The following MYO7B variants were observed in gnomAD, a reference collection of about 807,000 sequenced individuals.
MYO7B encodes unconventional myosin-VIIb.
Under a neutral mutation model 259.7 loss-of-function variants are expected in MYO7B, and 212 were observed. The observed-to-expected ratio is 0.82, with a 90% CI of 0.73 to 0.91. The LOEUF (loss-of-function observed/expected upper bound fraction) is 0.91, where lower values mean the gene tolerates loss of function less well. Ranked by LOEUF, MYO7B falls within the 40% of genes least tolerant of loss-of-function variation. The pLI is 0.00. For missense variants in MYO7B, 2,732 were observed against 2,813.5 expected, an observed-to-expected ratio of 0.97 and a Z score of 0.66; for synonymous variants, 1,197 against 1,166.4, an observed-to-expected ratio of 1.03 and a Z score of -0.54.
At chr2:127,573,559 C>T (rs1678734976) in intron 6 of MYO7B, among the ~76,000 whole-genome samples, 1 of 152,192 alleles carries the variant, frequency 6.6e-6, no homozygotes, top group Non-Finnish European at 1.5e-5. Flanking sequence ...TTACTGCTTC[C>T]CTTATTACTG....
At chr2:127,563,369 A>G (rs1011924363) in intron 2 of MYO7B, among the ~76,000 whole-genome samples, 7 of 152,184 alleles carry the variant, frequency 4.6e-5, no homozygotes, top group South Asian at 2.1e-4. Flanking sequence ...TGAGGTGTCA[A>G]TGCCACAGTG....
Position 127,566,653 on chromosome 2 carries a change from G to A in MYO7B, c.296G>A (p.Gly99Asp). The change falls in exon 5 of 48, where the codon GGC (glycine) becomes GAC (aspartate). Residue 99 changes from glycine to aspartate, a missense_variant. Around this residue, in one of 3 missense-constraint regions of MYO7B, gnomAD observed 1,906 missense variants for 2,026.4 expected, o/e 0.94. Coordinates refer to ENST00000409816, the MANE Select transcript of MYO7B (RefSeq NM_001393586.1). ...YQQHKIYTYTGSILVAVNPFQ... is the reference protein window; with the variant it reads ...YQQHKIYTYTDSILVAVNPFQ... ...CTGCTTCCTTCCCAGACATACACAGGCTCCATCCTGGTGGCCGTCAACCCG... is the reference window on the plus strand; with the variant it reads ...CTGCTTCCTTCCCAGACATACACAGACTCCATCCTGGTGGCCGTCAACCCG... 6.3e-7 allele frequency: 1 copy of A among 1,588,374 alleles called. No homozygotes were observed. The highest frequency in any genetic ancestry group is 1.1e-5 in the South Asian group (1 of 87,612).
intron 12 of MYO7B, among the ~76,000 whole-genome samples, 173 bp downstream of exon 12, chr2:127,582,619 G>C (rs556860618): frequency 2.0e-5 from 3 of 152,312 alleles, no homozygotes; most frequent in Non-Finnish European, 4.4e-5. Context: ...ATCTAGAGAA[G>C]GCTGCACAAC....
rs1317798010 is a variant in MYO7B at position 127,593,634 on chromosome 2, T to C, written c.2234T>C (p.Ile745Thr). 1.9e-6 allele frequency: 3 copies of C among 1,613,258 alleles called. No homozygotes were observed. Among genetic ancestry groups the C allele is most frequent in the South Asian group, 2.2e-5 (2 of 91,084 alleles). The change falls in exon 18 of 48, where the codon ATT becomes ACT. Residue 745 changes from isoleucine to threonine, a missense_variant. Physicochemically the swap from Ile to Thr is moderately conservative, Grantham distance 89. Transcript: ENST00000409816. ...GACTGGAAAGCGGGGAAGACAAAAA[T>C]TTTCCTGAGGGTGAGACCCCGAGGA... ...DKDWKAGKTK[I>T]FLRDHQDTLL...
chr2:127,566,873 TG>T, intron 5 of MYO7B, 46 bp downstream of exon 5: 1 of 1,567,984 alleles, frequency 6.4e-7, no homozygotes, highest in African/African-American at 1.3e-5. Flanking sequence ...CTCCCTGAAC[TG>T]CTCCCCACCA....
chr2:127,630,939 A>G (rs1291060044), intron 36 of MYO7B, 31 bp downstream of exon 36: 3 of 1,525,124 alleles, frequency 2.0e-6, no homozygotes, highest in South Asian at 1.2e-5. Flanking sequence ...GCCTCATTGC[A>G]CCCCCACCTC....
At position 127,607,540 on chromosome 2, in the gene MYO7B, C is replaced by A; in HGVS notation, c.2643+116C>A. On this transcript the variant is annotated intron_variant, in intron 21 of 47. Coordinates refer to ENST00000409816, the MANE Select transcript of MYO7B (RefSeq NM_001393586.1). The surrounding 1 kb of genome is among the most constrained non-coding windows in gnomAD (Gnocchi z 4.4). ...TCACCAGAAGCGCTTTGGAAAATCCCCCCGCCCCCGCCACAAGCCAAGACG... is the reference window on the plus strand; with the variant it reads ...TCACCAGAAGCGCTTTGGAAAATCCACCCGCCCCCGCCACAAGCCAAGACG... The A allele has an allele frequency of 2.5e-6, 2 of 813,864 alleles. No individual in the cohort carries two copies. Among genetic ancestry groups the A allele is most frequent in the Non-Finnish European group, 3.8e-6 (2 of 520,794 alleles). The allele number at this position is 813,864 out of a possible 1,614,324, so 50.4% of individuals were successfully genotyped here.
At chr2:127,543,830 C>A (rs1225051294) in intron 1 of MYO7B, among the ~76,000 whole-genome samples, 1 of 151,550 alleles carries the variant, frequency 6.6e-6, no homozygotes, top group African/African-American at 2.4e-5. Flanking sequence ...CCGCAAGCTC[C>A]CCCTGCCGGG....
At chr2:127,623,565 T>C (rs1290114874) in intron 29 of MYO7B, among the ~76,000 whole-genome samples, 190 bp downstream of exon 29, 1 of 151,968 alleles carries the variant, frequency 6.6e-6, no homozygotes, top group Non-Finnish European at 1.5e-5. Context: ...CAGCCTTTCC[T>C]CCCGCACTCA....
intron 19 of MYO7B, among the ~76,000 whole-genome samples, chr2:127,598,521 C>T (rs1008210093): frequency 2.6e-5 from 4 of 152,172 alleles, no homozygotes; most frequent in African/African-American, 9.7e-5. Context: ...AATATTTTCT[C>T]CTAGTCTGTA....
intron 6 of MYO7B, 151 bp from the exon 7 acceptor site, chr2:127,573,769 C>A (rs1442031553): frequency 1.0e-6 from 1 of 994,668 alleles, no homozygotes; most frequent in African/African-American, 1.6e-5. Context: ...TCTTAGCGGG[C>A]GCTTGGCTTC....
In MYO7B at chr2:127,624,340, G is replaced by C. The variant is rs768341216; in HGVS notation, c.4047+20G>C. On this transcript the variant is annotated intron_variant, in intron 30 of 47. Coordinates refer to ENST00000409816, the MANE Select transcript of MYO7B (RefSeq NM_001393586.1). Reference sequence around the variant, plus strand: ...GAGAAGGTGAGGGGCCTGAGAGCCAGGTCCACCCTAGGCTTTGCCATCAGG... The same window carrying C: ...GAGAAGGTGAGGGGCCTGAGAGCCACGTCCACCCTAGGCTTTGCCATCAGG... 2.6e-6 allele frequency: 4 copies of C among 1,554,180 alleles called. No individual in the cohort carries two copies.
At position 127,568,814 on chromosome 2, in the gene MYO7B, T is replaced by A. The variant is rs6747538; in HGVS notation, c.471-975T>A. ...CAGGAGGGTGAGGCAGGAGAATTGC[T>A]GGAACTGGAGTGGGCGGAGGTTGCA... On this transcript the variant is annotated intron_variant, in intron 5 of 47. Transcript: ENST00000409816. Among the ~76,000 whole-genome samples, 1,480 of 151,456 alleles carry A rather than the reference T, an allele frequency of 9.8e-3. 27 individuals carry two copies. Among genetic ancestry groups the A allele is most frequent in the African/African-American group, 0.034 (1,403 of 41,142 alleles).
chr2:127,575,708 T>C (rs554273237), intron 7 of MYO7B, among the ~76,000 whole-genome samples: 3 of 152,288 alleles, frequency 2.0e-5, no homozygotes, highest in Non-Finnish European at 4.4e-5. Context: ...AAAGGAGCTC[T>C]CATTTTTTTG....
intron 27 of MYO7B, among the ~76,000 whole-genome samples, chr2:127,621,485 T>C (rs986199661): frequency 6.6e-6 from 1 of 152,200 alleles, no homozygotes. Flanking sequence ...GGCCTCAAAC[T>C]CCTGACCTCA....
chr2:127,563,280 G>A (rs141027659), intron 2 of MYO7B, among the ~76,000 whole-genome samples: 14 of 152,238 alleles, frequency 9.2e-5, no homozygotes, highest in South Asian at 2.1e-4. Context: ...CAGTACCTCC[G>A]AACACAGAAC....
chr2:127,565,357 T>C lies in MYO7B; in HGVS notation c.257T>C (p.Leu86Pro). 2 of 1,614,044 alleles carry C rather than the reference T, an allele frequency of 1.2e-6. No individual in the cohort carries two copies. The highest frequency in any genetic ancestry group is 1.7e-6 in the Non-Finnish European group (2 of 1,179,874). The change falls in exon 4 of 48, where the codon CTG (leucine) becomes CCG (proline). Residue 86 changes from leucine (L) to proline (P), a missense_variant. Coordinates refer to ENST00000409816, the MANE Select transcript of MYO7B (RefSeq NM_001393586.1). ...LNEAGMVHNLLIRYQQHKIYT... is the reference protein window; with the variant it reads ...LNEAGMVHNLPIRYQQHKIYT... ...GAGGCAGGCATGGTGCACAACCTCC[T>C]GATCCGCTACCAGCAGCACAAGATC...
intron 6 of MYO7B, 102 bp from the exon 7 acceptor site, chr2:127,573,818 G>A (rs1260886703): frequency 7.5e-6 from 11 of 1,464,486 alleles, no homozygotes; most frequent in Admixed American, 5.8e-5. Context: ...TCTTCAATTC[G>A]AGGCTTGGCC....
At chr2:127,626,863 G>A (rs1191207640) in intron 31 of MYO7B, 112 bp from the exon 32 acceptor site, 11 of 980,364 alleles carry the variant, frequency 1.1e-5, no homozygotes, top group Non-Finnish European at 1.5e-5. Context: ...CCAGACACTG[G>A]CCTTGTAGAG....
Sources: gnomAD v4.1 joint callset for allele counts (sites outside exome capture counted in the v4.1 genomes callset) on GRCh38, gnomAD v4.1.1 for gene constraint, gnomAD v4.1.1 regional missense constraint, Gnocchi (gnomAD v3.1) non-coding constraint, MANE v1.5 for transcripts, NCBI Gene and HGNC (gene_info 2026-07-23, HGNC 2026-07-21) for gene names.